The following MCF2L variants were observed in gnomAD, a reference collection of about 807,000 sequenced individuals.
MCF2L encodes guanine nucleotide exchange factor DBS.
In MCF2L, 97 loss-of-function variants were observed where a neutral mutation model predicts 153.4. The observed-to-expected ratio is 0.63, with a 90% CI of 0.54 to 0.75. The LOEUF (loss-of-function observed/expected upper bound fraction) is 0.75. MCF2L is among the 30% of genes least tolerant of loss of function. MCF2L has a pLI of 0.00. For missense variants in MCF2L, 1,347 were observed against 1,495.2 expected (o/e 0.90, Z 1.64); for synonymous variants, 659 against 632.2 (o/e 1.04, Z -0.64).
At chr13:112,968,342 G>T, upstream of MCF2L, 1 of 1,325,358 alleles carries the variant, frequency 7.5e-7, no homozygotes, top group Middle Eastern at 2.6e-4. Flanking sequence ...GGAGAGCTCA[G>T]AGAGTTTCTT....
At chr13:112,998,820 C>T (rs1000590374) in intron 1 of MCF2L, among the ~76,000 whole-genome samples, 2 of 152,192 alleles carry the variant, frequency 1.3e-5, no homozygotes, top group African/African-American at 4.8e-5. Context: ...AGCCTGAGGC[C>T]GTGCGAGCTC....
chr13:112,977,747 C>T (rs150670511), intron 1 of MCF2L, among the ~76,000 whole-genome samples: 6 of 152,240 alleles, frequency 3.9e-5, no homozygotes, highest in Admixed American at 2.6e-4. Flanking sequence ...CCGTGCGCAC[C>T]GCTCACTGCT....
Position 113,087,739 on chromosome 13 carries a change from G to A in MCF2L, c.2628G>A (p.Lys876=), listed in dbSNP as rs1387008467. 1.2e-6 allele frequency: 2 copies of A among 1,614,142 alleles called. No individual in the cohort carries two copies. Among genetic ancestry groups the A allele is most frequent in the Non-Finnish European group, 1.7e-6 (2 of 1,180,042 alleles). ...MAAVGITENV[K]GDAKKFEIWY... ...CCGTTGGCATTACGGAGAACGTGAA[G>A]GGAGATGCTAAGAAGTTCGAGATCT... is the stretch of plus-strand genomic sequence containing the variant. Residue 876 remains lysine (K), a synonymous_variant, in exon 23 of 30, where the codon AAG becomes AAA. Transcript: ENST00000535094.
chr13:112,938,167 G>T (rs1359490908), intron 2 of MCF2L, among the ~76,000 whole-genome samples: 1 of 141,850 alleles, frequency 7.0e-6, no homozygotes, highest in Non-Finnish European at 1.6e-5. Context: ...AGCGCTGAGG[G>T]GTTGGTTCAG....
In MCF2L at chr13:113,074,884, A is replaced by C; in HGVS notation, c.1117-114A>C. 1 of 997,794 alleles carries C rather than the reference A, an allele frequency of 1.0e-6. No individual in the cohort carries two copies. Among genetic ancestry groups the C allele is most frequent in the Non-Finnish European group, 1.5e-6 (1 of 673,964 alleles). 61.8% of individuals were successfully genotyped at this position (997,794 alleles called of 1,614,324 possible). On this transcript the variant is annotated intron_variant, in intron 10 of 29. Transcript: ENST00000535094. The surrounding 1 kb of genome is among the most constrained non-coding windows in gnomAD (Gnocchi z 4.2). The stretch of plus-strand genomic sequence containing the variant: ...CAGCATCTCAGGCATCCGCAGCAGT[A>C]AACAAAGAAATCAAGACACACGTGT...
chr13:112,916,029 T>C (rs2081287882), intron 2 of MCF2L, among the ~76,000 whole-genome samples: 1 of 147,624 alleles, frequency 6.8e-6, no homozygotes, highest in Admixed American at 6.8e-5. Context: ...AAACCCCGTC[T>C]CTACTAAAAA....
rs756743460 is a variant in MCF2L, at chr13:113,013,767, A to G, written c.80-996A>G. On this transcript the variant is annotated intron_variant, in intron 1 of 29. Transcript: ENST00000535094. Reference sequence around the variant, plus strand: ...ACTGCAAATGTGGCTATATGATGAGAGCGTTGGCCAGAAATCGTGTCTGCT... The same window carrying G: ...ACTGCAAATGTGGCTATATGATGAGGGCGTTGGCCAGAAATCGTGTCTGCT... 1.1e-4 allele frequency among the ~76,000 whole-genome samples: 17 copies of G among 152,182 alleles called. No homozygotes were observed. In the South Asian group the frequency reaches 1.9e-3, roughly 17 times the overall value.
intron 2 of MCF2L, among the ~76,000 whole-genome samples, chr13:113,021,145 CAT>C (rs1294042618): frequency 3.3e-5 from 5 of 152,044 alleles, no homozygotes; most frequent in Non-Finnish European, 5.9e-5. Flanking sequence ...GCTGTGTATA[CAT>C]GTGTGTGTAG....
At position 112,969,230 on chromosome 13, in the gene MCF2L, G is replaced by T; in HGVS notation, c.-150G>T. 1 of 1,335,814 alleles carries T rather than the reference G, an allele frequency of 7.5e-7. No individual in the cohort carries two copies. Among genetic ancestry groups the T allele is most frequent in the South Asian group, 1.8e-5 (1 of 55,034 alleles). 82.7% of individuals were successfully genotyped at this position (1,335,814 alleles called of 1,614,324 possible). A position where few individuals can be genotyped will look rare whatever the true frequency, so the allele number is the denominator to read the frequency against. On this transcript the variant is annotated 5_prime_UTR_variant, in exon 1 of 30. Coordinates refer to ENST00000535094, the MANE Select transcript of MCF2L (RefSeq NM_001112732.3). The surrounding 1 kb of genome is among the most constrained non-coding windows in gnomAD (Gnocchi z 4.8). ...CCCGGTGGCGCGGAACCAATCCTGG[G>T]CAGGGAGGCGGCGGCTGGAGGCTGA...
chr13:112,896,293 A>G (rs1409763794), intron 1 of MCF2L, among the ~76,000 whole-genome samples: 1 of 151,588 alleles, frequency 6.6e-6, no homozygotes, highest in Non-Finnish European at 1.5e-5. Context: ...CCTCCTCCTG[A>G]GGTTTCCCTT....
chr13:113,065,802 C>T (rs1269411027), intron 7 of MCF2L, among the ~76,000 whole-genome samples: 3 of 152,218 alleles, frequency 2.0e-5, no homozygotes, highest in Non-Finnish European at 4.4e-5. Flanking sequence ...TTCACCTTAA[C>T]CCGTTGCCCT....
rs2081601219 is a variant in MCF2L at position 112,943,665 on chromosome 13, C to CA, written c.169+41294_169+41295insA. 6.6e-6 allele frequency among the ~76,000 whole-genome samples: 1 copy of CA among 152,126 alleles called. No homozygotes were observed. The highest frequency in any genetic ancestry group is 2.4e-5 in the African/African-American group (1 of 41,440). ...GGCCAGTCCCTTACCCGGGGACAGA[C>CA]GGGGAAGGCGGGAGCGCTCGCAGTT... On this transcript the variant is annotated intron_variant, in intron 2 of 29. Coordinates refer to the MCF2L transcript ENST00000375608. The surrounding 1 kb of genome is among the most constrained non-coding windows in gnomAD (Gnocchi z 4.2).
chr13:113,096,516 G>A (rs373886225), intron 28 of MCF2L, 33 bp downstream of exon 28: 2 of 1,582,730 alleles, frequency 1.3e-6, no homozygotes, highest in East Asian at 2.3e-5. Context: ...GGACTGCCCC[G>A]CACGTGGCTG....
intron 2 of MCF2L, among the ~76,000 whole-genome samples, chr13:112,944,600 C>G (rs1209007752): frequency 3.0e-5 from 4 of 135,450 alleles, no homozygotes; most frequent in African/African-American, 1.1e-4. Flanking sequence ...GAGACGGAGT[C>G]TCGCTCTGTC....
chr13:113,053,544 G>T lies in MCF2L; in HGVS notation c.370-7049G>T, dbSNP rs1164535626. ...GCTCAGACGGCCAAGGAGGCGTCCG[G>T]ATTTCCCCAGGAGAAGGTGCCTCTC... On this transcript the variant is annotated intron_variant, in intron 4 of 29. Transcript: ENST00000535094. The surrounding 1 kb of genome is among the most constrained non-coding windows in gnomAD (Gnocchi z 4.4). Among the ~76,000 whole-genome samples, 1 of 152,170 alleles carries T rather than the reference G, an allele frequency of 6.6e-6. No homozygotes were observed. Among genetic ancestry groups the T allele is most frequent in the Non-Finnish European group, 1.5e-5 (1 of 68,030 alleles).
Position 113,076,040 on chromosome 13 carries a change from C to T in MCF2L, c.1383C>T (p.Gly461=), listed in dbSNP as rs780406587. ...QPVDKCQSQD[G]AEAALQEIEK... ...TGGACAAGTGCCAGTCCCAGGACGG[C>T]GCGGAGGCTGCCCTCCAGGAAATCG... Residue 461 remains glycine, a synonymous_variant, in exon 12 of 30, where the codon GGC becomes GGT. Coordinates refer to ENST00000535094, the MANE Select transcript of MCF2L (RefSeq NM_001112732.3). 12 of 1,614,000 alleles carry T rather than the reference C, an allele frequency of 7.4e-6. No individual in the cohort carries two copies. Among genetic ancestry groups the T allele is most frequent in the African/African-American group, 1.3e-5 (1 of 75,038 alleles).
intron 2 of MCF2L, among the ~76,000 whole-genome samples, chr13:112,944,976 G>A (rs2081622019): frequency 6.6e-6 from 1 of 151,430 alleles, no homozygotes; most frequent in South Asian, 2.1e-4. Context: ...TAAGAAAATC[G>A]ATGCAATGCC....
chr13:113,091,926 C>G (rs1416718162), intron 26 of MCF2L, among the ~76,000 whole-genome samples: 1 of 152,200 alleles, frequency 6.6e-6, no homozygotes, highest in Non-Finnish European at 1.5e-5. Flanking sequence ...ACAGCCTCCT[C>G]ACATGACACA....
At chr13:113,078,514 C>T (rs1053171266) in intron 14 of MCF2L, 78 bp downstream of exon 14, 11 of 1,436,050 alleles carry the variant, frequency 7.7e-6, no homozygotes, top group East Asian at 7.2e-5. Flanking sequence ...CCGTGTGGCC[C>T]CCCCTCCCGG....
Sources: gnomAD v4.1 joint callset for allele counts (sites outside exome capture counted in the v4.1 genomes callset) on GRCh38, gnomAD v4.1.1 for gene constraint, Gnocchi (gnomAD v3.1) non-coding constraint, MANE v1.5 for transcripts, NCBI Gene and HGNC (gene_info 2026-07-23, HGNC 2026-07-21) for gene names.